CLHC1: variants seen among roughly 807,000 people sequenced by gnomAD.
The protein encoded by CLHC1 is clathrin heavy chain linker domain containing 1, also known as clathrin heavy chain linker domain-containing protein 1.
Under a neutral mutation model 69.5 loss-of-function variants are expected in CLHC1, and 72 were observed. The ratio of observed to expected loss-of-function variants is 1.04; its 90% CI spans 0.86 to 1.26. The LOEUF (loss-of-function observed/expected upper bound fraction) is 1.26. Ranked by LOEUF, CLHC1 falls within the 50% of genes most tolerant of loss-of-function variation. CLHC1 has a pLI of 0.00. For synonymous variants in CLHC1, 223 were observed against 224.3 expected, an observed-to-expected ratio of 0.99 and a Z score of 0.05; for missense variants, 790 against 679.3, an observed-to-expected ratio of 1.16 and a Z score of -1.81.
At chr2:55,184,129 A>T (rs1171381126) in intron 9 of CLHC1, among the ~76,000 whole-genome samples, 1 of 122,342 alleles carries the variant, frequency 8.2e-6, no homozygotes, top group African/African-American at 3.2e-5. Context: ...TTTTCGAGAC[A>T]GGGTCTCACT....
chr2:55,216,958 G>A (rs913737693), intron 4 of CLHC1, among the ~76,000 whole-genome samples: 2 of 152,100 alleles, frequency 1.3e-5, no homozygotes, highest in Non-Finnish European at 2.9e-5. Flanking sequence ...GACCAGCCTG[G>A]GTAACATGGT....
At chr2:55,178,290 A>C (rs186337560) in intron 11 of CLHC1, among the ~76,000 whole-genome samples, 5 of 152,310 alleles carry the variant, frequency 3.3e-5, no homozygotes, top group Non-Finnish European at 2.9e-5. Context: ...TTTTCCTAAA[A>C]CTATCAAGCA....
intron 9 of CLHC1, among the ~76,000 whole-genome samples, chr2:55,202,897 C>CA (rs34307486): frequency 4.6e-3 from 428 of 93,102 alleles, no homozygotes; most frequent in East Asian, 0.021. Flanking sequence ...AGACTCATCT[C>CA]AAAAAAAAAA....
intron 4 of CLHC1, among the ~76,000 whole-genome samples, chr2:55,217,202 A>C (rs1573749347): frequency 6.6e-6 from 1 of 151,458 alleles, no homozygotes; most frequent in Non-Finnish European, 1.5e-5. Flanking sequence ...TCAAACAAAC[A>C]AAAAGACTAT....
chr2:55,202,556 CAAA>C (rs1273533719), intron 9 of CLHC1, among the ~76,000 whole-genome samples: 7 of 74,626 alleles, frequency 9.4e-5, no homozygotes, highest in Admixed American at 1.5e-4. Context: ...GACTCTGTCT[CAAA>C]AAAAAAAAAA....
chr2:55,186,711 G>A (rs906143263), intron 9 of CLHC1, among the ~76,000 whole-genome samples: 1 of 152,054 alleles, frequency 6.6e-6, no homozygotes, highest in Non-Finnish European at 1.5e-5. Flanking sequence ...GAAGGTCAAG[G>A]CTGCAGTGAG....
At chr2:55,185,308 C>T (rs1273500561) in intron 9 of CLHC1, among the ~76,000 whole-genome samples, 1 of 152,052 alleles carries the variant, frequency 6.6e-6, no homozygotes, top group East Asian at 1.9e-4. Flanking sequence ...TGGGCTAAAA[C>T]TAGAAATCAT....
chr2:55,210,870 A>C (rs1224655745), intron 5 of CLHC1, among the ~76,000 whole-genome samples: 1 of 150,140 alleles, frequency 6.7e-6, no homozygotes, highest in East Asian at 2.0e-4. Context: ...ATATATATAG[A>C]GAGAGAGAGA....
Position 55,177,666 on chromosome 2 carries a change from C to G in CLHC1, c.1500G>C (p.Leu500=), listed in dbSNP as rs1669527757. Residue 500 remains leucine (L), a synonymous_variant, in exon 12 of 13, where the codon CTG becomes CTC. Coordinates refer to ENST00000401408, the MANE Select transcript of CLHC1 (RefSeq NM_152385.4). ...CAACTTTTTTCATGTCTGCAGAGAA[C>G]AGATGAAGTATAGCAAGACCAAAAG... ...SLSFGLAILH[L]FSADMKKVGI... 1.2e-6 allele frequency: 2 copies of G among 1,612,776 alleles called. No homozygotes were observed. The highest frequency in any genetic ancestry group is 2.2e-5 in the East Asian group (1 of 44,844).
intron 9 of CLHC1, among the ~76,000 whole-genome samples, chr2:55,186,973 T>C (rs1196670591): frequency 6.6e-6 from 1 of 151,754 alleles, no homozygotes; most frequent in Non-Finnish European, 1.5e-5. Context: ...AACTATATAT[T>C]TAAAAAAATA....
chr2:55,186,641 T>C (rs2103737988), intron 9 of CLHC1, among the ~76,000 whole-genome samples: 1 of 151,874 alleles, frequency 6.6e-6, no homozygotes, highest in Non-Finnish European at 1.5e-5. Context: ...GGTATGCCTA[T>C]ACTCCCACCA....
chr2:55,211,273 G>A lies in CLHC1; in HGVS notation c.499+1400C>T, dbSNP rs183521059. ...TCCCAGCACTTTGGGAGGCCGAGAT[G>A]GGCAGATCACAAGGTCAGGAGATCA... is the stretch of plus-strand genomic sequence containing the variant. On this transcript the variant is annotated intron_variant, in intron 5 of 12. Coordinates refer to ENST00000401408, the MANE Select transcript of CLHC1 (RefSeq NM_152385.4). Among the ~76,000 whole-genome samples the A allele has an allele frequency of 2.9e-4, 44 of 152,096 alleles. 1 individual carries two copies. Among genetic ancestry groups the A allele is most frequent in the African/African-American group, 1.1e-3 (44 of 41,490 alleles).
intron 5 of CLHC1, among the ~76,000 whole-genome samples, chr2:55,211,949 T>C (rs1160095647): frequency 6.6e-6 from 1 of 152,172 alleles, no homozygotes; most frequent in Non-Finnish European, 1.5e-5. Context: ...CCTTATATTA[T>C]ACCAGTCGTT....
chr2:55,186,312 C>G (rs1048801711), intron 9 of CLHC1, among the ~76,000 whole-genome samples: 2 of 152,120 alleles, frequency 1.3e-5, no homozygotes, highest in South Asian at 4.1e-4. Flanking sequence ...ACAATATTAT[C>G]AATGTAAAAA....
intron 9 of CLHC1, among the ~76,000 whole-genome samples, chr2:55,187,046 C>G (rs1670481150): frequency 6.6e-6 from 1 of 151,448 alleles, no homozygotes; most frequent in Non-Finnish European, 1.5e-5. Flanking sequence ...ACAGGTGGAT[C>G]ACCTGAGGTC....
At chr2:55,220,431 T>C (rs1336229715) in intron 3 of CLHC1, among the ~76,000 whole-genome samples, 4 of 152,192 alleles carry the variant, frequency 2.6e-5, no homozygotes, top group Non-Finnish European at 5.9e-5. Context: ...CCAAATGATT[T>C]CCATTTCTAG....
rs887341977 is a variant in CLHC1 at position 55,173,895 on chromosome 2, G to A, written c.*1895C>T. ...AATAACAACAACAACCGCTGTTTAAGCTTTCTCTAGATTTATATACCTACT... is the reference window on the plus strand; with the variant it reads ...AATAACAACAACAACCGCTGTTTAAACTTTCTCTAGATTTATATACCTACT... On this transcript the variant is annotated 3_prime_UTR_variant, in exon 13 of 13. Coordinates refer to ENST00000401408, the MANE Select transcript of CLHC1 (RefSeq NM_152385.4). 6.6e-6 allele frequency among the ~76,000 whole-genome samples: 1 copy of A among 151,584 alleles called. No individual in the cohort carries two copies. The highest frequency in any genetic ancestry group is 2.4e-5 in the African/African-American group (1 of 41,178).
rs980823866 is a variant in CLHC1, at chr2:55,212,657, A to T, written c.499+16T>A. 15 of 1,573,414 alleles carry T rather than the reference A, an allele frequency of 9.5e-6. No individual in the cohort carries two copies. The highest frequency in any genetic ancestry group is 1.7e-5 in the Admixed American group (1 of 57,540). On this transcript the variant is annotated intron_variant, in intron 5 of 12. Transcript: ENST00000401408. ...AATCAGGATTTCTCTCAAATATTTTAAACAAAATACAATACCTGGAATAGG... is the reference window on the plus strand; with the variant it reads ...AATCAGGATTTCTCTCAAATATTTTTAACAAAATACAATACCTGGAATAGG...
At chr2:55,220,041 G>C (rs1673963506) in intron 3 of CLHC1, among the ~76,000 whole-genome samples, 1 of 152,098 alleles carries the variant, frequency 6.6e-6, no homozygotes, top group Non-Finnish European at 1.5e-5. Context: ...AGCCCAGTAA[G>C]TCATCCATTT....
Sources: allele counts gnomAD v4.1 joint callset (sites outside exome capture counted in the v4.1 genomes callset), GRCh38; gene constraint gnomAD v4.1.1; transcripts MANE v1.5; gene names NCBI Gene and HGNC (gene_info 2026-07-23, HGNC 2026-07-21).